The following TULP4 variants were observed in gnomAD, a reference collection of about 807,000 sequenced individuals.
TULP4 encodes TUB like protein 4.
Under a neutral mutation model 129.0 loss-of-function variants are expected in TULP4, and 16 were observed. That is an observed-to-expected ratio of 0.12 (90% CI 0.08 to 0.19). TULP4 has a LOEUF of 0.19. TULP4 is among the 10% of genes least tolerant of loss of function. The probability of loss-of-function intolerance (pLI) is 1.00; values close to 1 mark genes in which losing one functional copy is unlikely to be tolerated. For missense variants in TULP4, 1,842 were observed against 2,059.1 expected, an observed-to-expected ratio of 0.89 and a Z score of 2.04; for synonymous variants, 998 against 854.0, an observed-to-expected ratio of 1.17 and a Z score of -2.94.
upstream of TULP4, chr6:158,232,201 T>G (rs1777608709): frequency 6.8e-6 from 1 of 146,364 alleles, no homozygotes; most frequent in Non-Finnish European, 1.5e-5. Context: ...AGGCGGAGAC[T>G]CGGCCGAGAC....
At position 158,314,026 on chromosome 6, in the gene TULP4, G is replaced by A. The variant is rs1779428470; in HGVS notation, c.10G>A (p.Ala4Thr). The change falls in exon 1 of 14, where the codon GCA (alanine) becomes ACA (threonine). Residue 4 changes from alanine to threonine, a missense_variant. Transcript: ENST00000367097. ...GTTCATTGAAGAAAGTATGTATGCA[G>A]CAGTGGAACATGGGCCTGTGCTTTG... MYAAVEHGPVLCSD... is the reference protein window; with the variant it reads MYATVEHGPVLCSD... 2 of 1,614,040 alleles carry A rather than the reference G, an allele frequency of 1.2e-6. No homozygotes were observed. The highest frequency in any genetic ancestry group is 1.7e-5 in the Admixed American group (1 of 60,000).
chr6:158,284,131 A>T lies in TULP4; in HGVS notation n.116+1753A>T, dbSNP rs185285461. On this transcript the variant is annotated intron_variant and non_coding_transcript_variant, in intron 1 of 1. Coordinates refer to the TULP4 transcript ENST00000432358. ...GTGGGGAAAAAGAGAAAGAGGAGTG[A>T]GTGTTTTTGGGAGACAGAAGGTCTA... Among the ~76,000 whole-genome samples, 19 of 152,354 alleles carry T rather than the reference A, an allele frequency of 1.2e-4. No individual in the cohort carries two copies. The East Asian group carries it at 3.3e-3, about 26-fold the overall frequency.
At position 158,392,903 on chromosome 6, in the gene TULP4, C is replaced by T. The variant is rs145925384; in HGVS notation, c.253-20162C>T. ...GCAACCTCCACCTTCTGGGTTCAAGCGATTCTCCTGCCTCAGCCTCCTGAA... is the reference window on the plus strand; with the variant it reads ...GCAACCTCCACCTTCTGGGTTCAAGTGATTCTCCTGCCTCAGCCTCCTGAA... On this transcript the variant is annotated intron_variant, in intron 1 of 13. Transcript: ENST00000367097. Among the ~76,000 whole-genome samples the T allele has an allele frequency of 6.0e-3, 782 of 129,684 alleles. 11 individuals are homozygous for T. In the East Asian group the frequency reaches 0.088, roughly 15 times the overall value. 85.1% of individuals were successfully genotyped at this position (129,684 alleles called of 152,430 possible).
At chr6:158,381,337 G>A (rs1777321229) in intron 1 of TULP4, among the ~76,000 whole-genome samples, 1 of 152,096 alleles carries the variant, frequency 6.6e-6, no homozygotes, top group African/African-American at 2.4e-5. Flanking sequence ...CATAGAGTAT[G>A]AAAGACTCCA....
chr6:158,482,670 C>T (rs1294449992), intron 8 of TULP4, among the ~76,000 whole-genome samples: 1 of 152,140 alleles, frequency 6.6e-6, no homozygotes, highest in South Asian at 2.1e-4. Flanking sequence ...TGGGACAGGC[C>T]CTGAGCCCAG....
chr6:158,353,903 GTTTTATTTTATGTGGGCGC>G (rs919921847), intron 1 of TULP4, among the ~76,000 whole-genome samples: 4 of 152,350 alleles, frequency 2.6e-5, no homozygotes, highest in Non-Finnish European at 2.9e-5. Context: ...CCCTAAAGGG[GTTTTATTTTATGTGGGCGC>G]TTGTTGAGAA....
chr6:158,246,664 A>C (rs1298435624), intron 1 of TULP4, among the ~76,000 whole-genome samples: 1 of 152,198 alleles, frequency 6.6e-6, no homozygotes, highest in African/African-American at 2.4e-5. Flanking sequence ...CTTTCATAGA[A>C]TATAATTGGT....
chr6:158,257,972 G>A (rs11751026), intron 1 of TULP4, among the ~76,000 whole-genome samples: 49,995 of 152,046 alleles, frequency 0.33, 9,215 homozygotes, highest in Admixed American at 0.45. Flanking sequence ...GCCCTGCCAC[G>A]GGAGCAGGTT....
chr6:158,240,355 C>T (rs1583666055), intron 1 of TULP4, among the ~76,000 whole-genome samples: 1 of 79,438 alleles, frequency 1.3e-5, no homozygotes, highest in Non-Finnish European at 2.8e-5. Context: ...CTGACTCCCC[C>T]ACCTCCCTCC....
At chr6:158,419,356 G>A (rs2115026622) in intron 2 of TULP4, among the ~76,000 whole-genome samples, 1 of 152,232 alleles carries the variant, frequency 6.6e-6, no homozygotes, top group East Asian at 1.9e-4. Context: ...AAAGCTAAAT[G>A]TTTGTAGCTA....
At chr6:158,289,682 G>C (rs1000711991) in intron 1 of TULP4, among the ~76,000 whole-genome samples, 1 of 152,174 alleles carries the variant, frequency 6.6e-6, no homozygotes, top group Non-Finnish European at 1.5e-5. Context: ...CTGGGCTCAA[G>C]TGATCCTCCT....
chr6:158,451,263 G>A (rs1045799867), intron 4 of TULP4, among the ~76,000 whole-genome samples: 13 of 152,146 alleles, frequency 8.5e-5, no homozygotes, highest in African/African-American at 3.1e-4. Context: ...CGTGCAACAG[G>A]GTTCTTCTTA....
intron 1 of TULP4, among the ~76,000 whole-genome samples, chr6:158,387,925 T>G (rs1777488211): frequency 6.6e-6 from 1 of 152,198 alleles, no homozygotes; most frequent in Admixed American, 6.5e-5. Flanking sequence ...CTTCAATGAG[T>G]CTTTGCAAAT....
rs144849052 is a variant in TULP4 at position 158,458,257 on chromosome 6, A to C, written c.860-3306A>C. Reference sequence around the variant, plus strand: ...AAAGAACTAAATTTTCACTGACTTCATATAACCTTCCAGACTTTTACCAAA... The same window carrying C: ...AAAGAACTAAATTTTCACTGACTTCCTATAACCTTCCAGACTTTTACCAAA... On this transcript the variant is annotated intron_variant, in intron 5 of 13. Transcript: ENST00000367097. Among the ~76,000 whole-genome samples the C allele has an allele frequency of 2.6e-5, 4 of 152,330 alleles. No individual in the cohort carries two copies. The East Asian group carries it at 7.7e-4, about 29-fold the overall frequency.
rs3085239 is a variant in TULP4 at position 158,395,668 on chromosome 6, CGG to C, written c.253-17388_253-17387del. ...GCTGGCCCTGAGGTAAAGTGATGGG[CGG>C]GGGGGGGGTCATGGCAGAAGCACCT... On this transcript the variant is annotated intron_variant, in intron 1 of 13. Coordinates refer to ENST00000367097, the MANE Select transcript of TULP4 (RefSeq NM_020245.5). 3.1e-3 allele frequency among the ~76,000 whole-genome samples: 259 copies of C among 83,112 alleles called. 19 individuals are homozygous for C. Among genetic ancestry groups the C allele is most frequent in the African/African-American group, 0.012 (242 of 19,516 alleles). The allele number at this position is 83,112 out of a possible 152,430, so 54.5% of individuals were successfully genotyped here.
rs750144450 is a variant in TULP4 at position 158,503,313 on chromosome 6, A to G, written c.3650A>G (p.Gln1217Arg). 1.2e-6 allele frequency: 2 copies of G among 1,613,584 alleles called. No homozygotes were observed. ...CCCAAAGATGCCCTGTCCCCAACGC[A>G]GTTTGCACAACAGGAGCCTGCTGTG... is the stretch of plus-strand genomic sequence containing the variant. ...CSPKDALSPT[Q>R]FAQQEPAVVL... The change falls in exon 13 of 14, where the codon CAG becomes CGG. Residue 1217 changes from glutamine (Q) to arginine (R), a missense_variant. Gln to Arg is a conservative substitution (Grantham distance 43). This residue lies in a region of TULP4 where 1,089 missense variants were observed against 987.1 expected (regional missense o/e 1.10). Transcript: ENST00000367097. The surrounding 1 kb of genome is among the most constrained non-coding windows in gnomAD (Gnocchi z 4.3).
At chr6:158,463,347 G>A (rs1779485075) in intron 6 of TULP4, among the ~76,000 whole-genome samples, 1 of 151,986 alleles carries the variant, frequency 6.6e-6, no homozygotes, top group South Asian at 2.1e-4. Flanking sequence ...AAATCTTTAG[G>A]CCACCTTATG....
upstream of TULP4, among the ~76,000 whole-genome samples, chr6:158,278,786 C>G (rs1030206845): frequency 1.3e-4 from 20 of 152,040 alleles, no homozygotes; most frequent in African/African-American, 4.6e-4. Context: ...AGAGGACCTC[C>G]TATGTTTAGG....
intron 1 of TULP4, among the ~76,000 whole-genome samples, chr6:158,268,130 G>T (rs898332571): frequency 5.3e-5 from 8 of 149,748 alleles, no homozygotes; most frequent in Non-Finnish European, 1.2e-4. Flanking sequence ...CTGCCTCCTG[G>T]GTTCAAGCGA....
Sources: gnomAD v4.1 joint callset for allele counts (sites outside exome capture counted in the v4.1 genomes callset) on GRCh38, gnomAD v4.1.1 for gene constraint, gnomAD v4.1.1 regional missense constraint, Gnocchi (gnomAD v3.1) non-coding constraint, MANE v1.5 for transcripts, NCBI Gene and HGNC (gene_info 2026-07-23, HGNC 2026-07-21) for gene names.